Variants in PAPPA2 observed in about 807,000 individuals in gnomAD.
PAPPA2 encodes the protein pappalysin-2.
Under a neutral mutation model 176.4 loss-of-function variants are expected in PAPPA2, and 86 were observed. The observed-to-expected ratio is 0.49, with a 90% CI of 0.41 to 0.58. The LOEUF is 0.58. Ranked by LOEUF, PAPPA2 falls within the 20% of genes least tolerant of loss-of-function variation. PAPPA2 has a pLI of 0.00. For synonymous variants in PAPPA2, 809 were observed against 852.2 expected (o/e 0.95, Z 0.88); for missense variants, 2,073 against 2,256.9 (o/e 0.92, Z 1.65).
chr1:176,757,279 C>T (rs886805800), intron 14 of PAPPA2, among the ~76,000 whole-genome samples: 2 of 152,212 alleles, frequency 1.3e-5, no homozygotes, highest in Admixed American at 1.3e-4. Flanking sequence ...GAGGAATCAT[C>T]ACACTGTCTT....
intron 16 of PAPPA2, among the ~76,000 whole-genome samples, chr1:176,770,520 G>A (rs1664176803): frequency 1.3e-5 from 2 of 152,096 alleles, no homozygotes; most frequent in South Asian, 4.2e-4. Context: ...GATAATAATA[G>A]GATCTATTTC....
chr1:176,779,476 TCACA>T (rs376976102), intron 17 of PAPPA2, among the ~76,000 whole-genome samples: 7,893 of 126,776 alleles, frequency 0.062, 285 homozygotes, highest in Middle Eastern at 0.079. Flanking sequence ...TCCATACTCA[TCACA>T]CACACACACA....
intron 4 of PAPPA2, among the ~76,000 whole-genome samples, chr1:176,676,002 G>A (rs1573234834): frequency 6.6e-6 from 1 of 152,078 alleles, no homozygotes; most frequent in East Asian, 1.9e-4. Flanking sequence ...TTAATCATTA[G>A]AGAAGTGCAA....
At chr1:176,581,350 T>A (rs992985654) in intron 2 of PAPPA2, among the ~76,000 whole-genome samples, 5 of 152,232 alleles carry the variant, frequency 3.3e-5, no homozygotes, top group African/African-American at 1.2e-4. Context: ...ACAATGCTAT[T>A]TTGGTTACTA....
At chr1:176,671,728 G>T (rs983398476) in intron 4 of PAPPA2, among the ~76,000 whole-genome samples, 2 of 151,890 alleles carry the variant, frequency 1.3e-5, no homozygotes, top group Non-Finnish European at 2.9e-5. Flanking sequence ...ATACTATGCA[G>T]CCATAAAAAA....
chr1:176,655,646 A>G (rs143039866), intron 3 of PAPPA2, among the ~76,000 whole-genome samples: 2 of 151,990 alleles, frequency 1.3e-5, no homozygotes, highest in African/African-American at 4.8e-5. Flanking sequence ...ACACATGGAC[A>G]CAGAGTGTGA....
chr1:176,556,202 A>G lies in PAPPA2; in HGVS notation c.-121A>G. 2 of 1,229,670 alleles carry G rather than the reference A, an allele frequency of 1.6e-6. No homozygotes were observed. The highest frequency in any genetic ancestry group is 2.3e-6 in the Non-Finnish European group (2 of 884,942). The allele number at this position is 1,229,670 out of a possible 1,614,324, so 76.2% of individuals were successfully genotyped here. On this transcript the variant is annotated 5_prime_UTR_variant, in exon 2 of 23. Transcript: ENST00000367662. ...CTATTTGAAAAAGTTTGGTCTGTGA[A>G]CAAAACAGTTTCCCTGGTGACTGCA...
Position 176,692,156 on chromosome 1 carries a change from A to T in PAPPA2, c.2462A>T (p.Asn821Ile), listed in dbSNP as rs1178239021. Reference sequence around the variant, plus strand: ...AACTGCACTGACAACTTCACTCCTAACCAAGTGGCCCGAATGCATTGCTAT... The same window carrying T: ...AACTGCACTGACAACTTCACTCCTATCCAAGTGGCCCGAATGCATTGCTAT... ...DDNCTDNFTP[N>I]QVARMHCYLD... Residue 821 changes from asparagine to isoleucine, a missense_variant, in exon 6 of 23, where the codon AAC (asparagine) becomes ATC (isoleucine). By Grantham distance (149) the Asn-to-Ile change is moderately radical (BLOSUM62 -3). Coordinates refer to ENST00000367662, the MANE Select transcript of PAPPA2 (RefSeq NM_020318.3). 1 of 1,613,860 alleles carries T rather than the reference A, an allele frequency of 6.2e-7. No homozygotes were observed.
At chr1:176,514,094 G>A (rs1648768358) in intron 1 of PAPPA2, among the ~76,000 whole-genome samples, 1 of 152,170 alleles carries the variant, frequency 6.6e-6, no homozygotes, top group African/African-American at 2.4e-5. Context: ...GAATATCTGA[G>A]ACTGGGTAAT....
chr1:176,484,947 G>C (rs764338646), intron 1 of PAPPA2, among the ~76,000 whole-genome samples: 1 of 152,186 alleles, frequency 6.6e-6, no homozygotes, highest in East Asian at 1.9e-4. Context: ...GCTCTGGCAA[G>C]TTATGAGTCT....
At chr1:176,634,944 T>C (rs1215579113) in intron 3 of PAPPA2, among the ~76,000 whole-genome samples, 1 of 142,616 alleles carries the variant, frequency 7.0e-6, no homozygotes, top group Non-Finnish European at 1.5e-5. Flanking sequence ...TGATAGATGA[T>C]AGGTAGATAG....
intron 2 of PAPPA2, among the ~76,000 whole-genome samples, chr1:176,571,644 G>T (rs240096): frequency 1.3e-5 from 2 of 152,106 alleles, no homozygotes; most frequent in African/African-American, 2.4e-5. Flanking sequence ...ATTCTAGTCC[G>T]TGCAAACTCT....
Position 176,771,169 on chromosome 1 carries a change from TAA to T in PAPPA2, c.4706_4707del (p.Lys1569SerfsTer27). On this transcript the variant is annotated frameshift_variant, in exon 17 of 23. Transcript: ENST00000367662. LOFTEE classifies it high-confidence loss of function. ...GYYVAESAEGKVRNKLLKIQC... is the reference protein window; with the variant it reads ...GYYVAESAEGXVRNKLLKIQC... ...ACTATGTGGCAGAAAGTGCAGAGGG[TAA>T]AGTCAGGAAGTAAGTTGAATGTTCC... 1 of 1,614,170 alleles carries T rather than the reference TAA, an allele frequency of 6.2e-7. No homozygotes were observed. The highest frequency in any genetic ancestry group is 2.2e-5 in the East Asian group (1 of 44,876).
intron 12 of PAPPA2, among the ~76,000 whole-genome samples, 178 bp from the exon 13 acceptor site, chr1:176,739,448 G>T (rs186819910): frequency 6.6e-6 from 1 of 151,978 alleles, no homozygotes; most frequent in African/African-American, 2.4e-5. Context: ...TGATCTTGTT[G>T]TTTGATACAA....
intron 17 of PAPPA2, among the ~76,000 whole-genome samples, chr1:176,784,874 C>G (rs1325174878): frequency 6.6e-6 from 1 of 152,172 alleles, no homozygotes; most frequent in Non-Finnish European, 1.5e-5. Context: ...GCATGAGCCA[C>G]CGCGCCCGGC....
At chr1:176,663,215 A>G (rs1374053132) in intron 3 of PAPPA2, among the ~76,000 whole-genome samples, 3 of 152,104 alleles carry the variant, frequency 2.0e-5, no homozygotes, top group East Asian at 1.9e-4. Context: ...GGAGAGTTTC[A>G]TTTCTATTTT....
chr1:176,518,509 C>T (rs1649043744), intron 1 of PAPPA2, among the ~76,000 whole-genome samples: 1 of 151,578 alleles, frequency 6.6e-6, no homozygotes, highest in South Asian at 2.1e-4. Flanking sequence ...ACTTTCAGGC[C>T]TTTAAGTTTG....
intron 3 of PAPPA2, among the ~76,000 whole-genome samples, chr1:176,629,598 G>T (rs554776412): frequency 6.6e-6 from 1 of 152,148 alleles, no homozygotes; most frequent in African/African-American, 2.4e-5. Context: ...AGAAAGGAAC[G>T]TAGGGACAAT....
At position 176,668,224 on chromosome 1, in the gene PAPPA2, C is replaced by G. The variant is rs547632765; in HGVS notation, c.1992-2746C>G. Among the ~76,000 whole-genome samples the G allele has an allele frequency of 3.9e-5, 6 of 152,264 alleles. No homozygotes were observed. The East Asian group carries it at 1.2e-3, about 29-fold the overall frequency. On this transcript the variant is annotated intron_variant, in intron 3 of 22. Coordinates refer to ENST00000367662, the MANE Select transcript of PAPPA2 (RefSeq NM_020318.3). ...TTTTATAAAAACCAAGATATAACTT[C>G]GGTCACTCTGAGTCCTTCAGGGATA...
Sources: gnomAD v4.1 joint callset for allele counts (sites outside exome capture counted in the v4.1 genomes callset) on GRCh38, gnomAD v4.1.1 for gene constraint, MANE v1.5 for transcripts, NCBI Gene and HGNC (gene_info 2026-07-23, HGNC 2026-07-21) for gene names.